TAFA1: variants seen among roughly 807,000 people sequenced by gnomAD.
TAFA1 encodes the protein chemokine-like protein TAFA-1.
Under a neutral mutation model 18.5 loss-of-function variants are expected in TAFA1, and 4 were observed. The observed-to-expected ratio is 0.22, with a 90% CI of 0.11 to 0.49. TAFA1 has a LOEUF of 0.49. Among genes scored for constraint, TAFA1 ranks in the 20% least tolerant of loss-of-function variants. TAFA1 has a pLI of 0.98. For missense variants in TAFA1, 147 were observed against 169.0 expected (o/e 0.87, Z 0.72); for synonymous variants, 56 against 55.2 (o/e 1.01, Z -0.06).
chr3:68,418,097 C>T (rs1213173809), intron 3 of TAFA1, among the ~76,000 whole-genome samples: 2 of 152,030 alleles, frequency 1.3e-5, no homozygotes, highest in East Asian at 1.9e-4. Context: ...TGATTTTGGA[C>T]TGAGGCTCTA....
intron 2 of TAFA1, among the ~76,000 whole-genome samples, chr3:68,256,510 C>T (rs1368364224): frequency 6.6e-6 from 1 of 152,092 alleles, no homozygotes; most frequent in Non-Finnish European, 1.5e-5. Flanking sequence ...TTTAACAGTG[C>T]TTGATCCAGG....
At chr3:68,535,862 A>G (rs561686843) in intron 3 of TAFA1, among the ~76,000 whole-genome samples, 37 of 151,980 alleles carry the variant, frequency 2.4e-4, no homozygotes, top group African/African-American at 8.9e-4. Context: ...TTTGTTAGGA[A>G]CTCTCATTGG....
intron 2 of TAFA1, among the ~76,000 whole-genome samples, chr3:68,329,917 T>G: frequency 6.6e-6 from 1 of 152,200 alleles, no homozygotes; most frequent in Non-Finnish European, 1.5e-5. Flanking sequence ...GTCTTGGTTT[T>G]TTAAGTTAAA....
At chr3:68,459,138 AG>A (rs2071725827) in intron 3 of TAFA1, among the ~76,000 whole-genome samples, 1 of 152,052 alleles carries the variant, frequency 6.6e-6, no homozygotes, top group African/African-American at 2.4e-5. Context: ...GCTCCCTGGG[AG>A]GGGGGTACCA....
chr3:68,092,848 T>C (rs1369689270), intron 2 of TAFA1, among the ~76,000 whole-genome samples: 1 of 152,112 alleles, frequency 6.6e-6, no homozygotes, highest in African/African-American at 2.4e-5. Context: ...GCTGAGTTAG[T>C]ATCCCTTTAA....
At chr3:68,502,537 T>C (rs1188348542) in intron 3 of TAFA1, among the ~76,000 whole-genome samples, 1 of 152,128 alleles carries the variant, frequency 6.6e-6, no homozygotes, top group African/African-American at 2.4e-5. Context: ...ACAGTCATAC[T>C]AATAATCACA....
chr3:68,070,043 G>A (rs1452177188), intron 2 of TAFA1, among the ~76,000 whole-genome samples: 2 of 152,178 alleles, frequency 1.3e-5, no homozygotes, highest in Non-Finnish European at 2.9e-5. Context: ...CTGGGGACTG[G>A]GGGATGATTG....
intron 2 of TAFA1, among the ~76,000 whole-genome samples, chr3:68,223,144 C>A (rs899325600): frequency 6.6e-6 from 1 of 152,096 alleles, no homozygotes; most frequent in Non-Finnish European, 1.5e-5. Context: ...GGGTGAACAT[C>A]TTTCCTGTCA....
intron 3 of TAFA1, among the ~76,000 whole-genome samples, chr3:68,449,889 C>T (rs1037765775): frequency 1.3e-5 from 2 of 152,182 alleles, no homozygotes; most frequent in African/African-American, 4.8e-5. Flanking sequence ...TCAAGAAAAA[C>T]GGAAAAGATA....
chr3:68,358,334 A>T (rs1433074047), intron 2 of TAFA1, among the ~76,000 whole-genome samples: 1 of 151,840 alleles, frequency 6.6e-6, no homozygotes, highest in African/African-American at 2.4e-5. Context: ...ACCCAGTTTT[A>T]TTATTGATGG....
At chr3:68,491,756 T>C (rs1179903988) in intron 3 of TAFA1, among the ~76,000 whole-genome samples, 1 of 152,158 alleles carries the variant, frequency 6.6e-6, no homozygotes, top group African/African-American at 2.4e-5. Context: ...TAACCACTAC[T>C]CTGGAATAGT....
intron 2 of TAFA1, among the ~76,000 whole-genome samples, chr3:68,218,435 T>A (rs1300110702): frequency 6.6e-6 from 1 of 152,104 alleles, no homozygotes; most frequent in Admixed American, 6.6e-5. Context: ...GGCTTGTGAC[T>A]GATTCCCAGG....
At chr3:68,219,967 C>A (rs1452939621) in intron 2 of TAFA1, among the ~76,000 whole-genome samples, 1 of 152,050 alleles carries the variant, frequency 6.6e-6, no homozygotes, top group Non-Finnish European at 1.5e-5. Flanking sequence ...AAAACAATTG[C>A]TAGACAATAA....
intron 2 of TAFA1, among the ~76,000 whole-genome samples, chr3:68,274,257 G>T (rs2067743666): frequency 6.6e-6 from 1 of 152,084 alleles, no homozygotes; most frequent in East Asian, 1.9e-4. Flanking sequence ...TAGGATGATG[G>T]TTTTCATGAA....
chr3:68,543,262 A>G (rs2073406357), intron 4 of TAFA1, among the ~76,000 whole-genome samples: 1 of 152,154 alleles, frequency 6.6e-6, no homozygotes, highest in Non-Finnish European at 1.5e-5. Context: ...TAAAAACTGA[A>G]TGTCAGTTAC....
At chr3:68,003,415 A>G (rs932421171), upstream of TAFA1, among the ~76,000 whole-genome samples, 1 of 152,206 alleles carries the variant, frequency 6.6e-6, no homozygotes, top group Non-Finnish European at 1.5e-5. Context: ...AGACAGTATC[A>G]TCTATAACAG....
chr3:68,497,530 T>G (rs2072568949), intron 3 of TAFA1, among the ~76,000 whole-genome samples: 1 of 151,292 alleles, frequency 6.6e-6, no homozygotes, highest in African/African-American at 2.4e-5. Flanking sequence ...GGTGGAAGGG[T>G]GGGAGGTTGG....
intron 2 of TAFA1, among the ~76,000 whole-genome samples, chr3:68,076,013 T>A (rs918923017): frequency 2.0e-5 from 3 of 152,166 alleles, no homozygotes; most frequent in African/African-American, 7.2e-5. Context: ...CTATCTTTCA[T>A]AGGAAAAAGA....
chr3:68,028,132 T>G (rs1704855324), intron 2 of TAFA1, among the ~76,000 whole-genome samples: 1 of 152,028 alleles, frequency 6.6e-6, no homozygotes, highest in Non-Finnish European at 1.5e-5. Context: ...AAACCCCGTC[T>G]CTACAAAAAA....
Sources: gnomAD v4.1 joint callset for allele counts (sites outside exome capture counted in the v4.1 genomes callset) on GRCh38, gnomAD v4.1.1 for gene constraint, MANE v1.5 for transcripts, NCBI Gene and HGNC (gene_info 2026-07-23, HGNC 2026-07-21) for gene names.